DPP10: variants seen among roughly 807,000 people sequenced by gnomAD.
DPP10 encodes the protein inactive dipeptidyl peptidase 10.
A neutral mutation model predicts 120.9 loss-of-function variants in DPP10; 33 were observed. That is an observed-to-expected ratio of 0.27 (90% confidence interval 0.21 to 0.37). The LOEUF is 0.37. Ranked by LOEUF, DPP10 falls within the 10% of genes least tolerant of loss-of-function variation. The pLI is 1.00. For missense variants in DPP10, 816 were observed against 942.8 expected, an observed-to-expected ratio of 0.87 and a Z score of 1.76; for synonymous variants, 337 against 326.1, an observed-to-expected ratio of 1.03 and a Z score of -0.36.
chr2:115,670,310 A>T (rs530662689), intron 5 of DPP10, among the ~76,000 whole-genome samples: 1 of 152,260 alleles, frequency 6.6e-6, no homozygotes, highest in East Asian at 1.9e-4. Flanking sequence ...TGGCCAAAAA[A>T]ACAAAAATGA....
At chr2:115,817,040 A>G (rs2150045128) in intron 21 of DPP10, among the ~76,000 whole-genome samples, 1 of 151,194 alleles carries the variant, frequency 6.6e-6, no homozygotes, top group Admixed American at 6.6e-5. Context: ...TGAGGTCAGG[A>G]GATAGAGGCC....
chr2:114,569,334 C>A (rs1397281695), intron 1 of DPP10, among the ~76,000 whole-genome samples: 1 of 152,206 alleles, frequency 6.6e-6, no homozygotes, highest in African/African-American at 2.4e-5. Flanking sequence ...GCTGCTAAGT[C>A]ATTCCCCGAG....
chr2:114,487,230 A>C (rs1441691698), intron 1 of DPP10, among the ~76,000 whole-genome samples: 1 of 152,180 alleles, frequency 6.6e-6, no homozygotes, highest in African/African-American at 2.4e-5. Flanking sequence ...TTGACAAGGT[A>C]CCAGTGTAGT....
At chr2:115,631,280 A>AT (rs1290770570) in intron 5 of DPP10, among the ~76,000 whole-genome samples, 5 of 151,964 alleles carry the variant, frequency 3.3e-5, no homozygotes, top group African/African-American at 1.2e-4. Context: ...CCCCTTTATC[A>AT]TTTTTTATTG....
rs1490235143 is a variant in DPP10, at chr2:115,753,239, G to A, written c.1016G>A (p.Arg339Gln). The A allele has an allele frequency of 1.9e-6, 3 of 1,611,994 alleles. No individual in the cohort carries two copies. Among genetic ancestry groups the A allele is most frequent in the Admixed American group, 1.7e-5 (1 of 59,952 alleles). The change falls in exon 11 of 26, where the codon CGA becomes CAA. Residue 339 changes from arginine to glutamine, a missense_variant. By Grantham distance (43) the Arg-to-Gln change is conservative (BLOSUM62 1). Around this residue, in one of 3 missense-constraint regions of DPP10, gnomAD observed 592 missense variants for 649.0 expected, o/e 0.91. Coordinates refer to ENST00000410059, the MANE Select transcript of DPP10 (RefSeq NM_020868.6). The stretch of plus-strand genomic sequence containing the variant: ...AAGACTGTGGTAAGATGGTTAAACC[G>A]AGCTCAGAACATCTCCATCCTCACA... ...NTKTVVRWLN[R>Q]AQNISILTVC...
chr2:114,526,113 A>T (rs1047037947), intron 1 of DPP10, among the ~76,000 whole-genome samples: 1 of 152,210 alleles, frequency 6.6e-6, no homozygotes, highest in Non-Finnish European at 1.5e-5. Flanking sequence ...GCAAACCATG[A>T]TAGTAATCTG....
At chr2:115,012,341 C>T (rs190171746) in intron 1 of DPP10, among the ~76,000 whole-genome samples, 1 of 152,124 alleles carries the variant, frequency 6.6e-6, no homozygotes, top group Admixed American at 6.5e-5. Context: ...ATAATGGGCT[C>T]TTGAGAGCAC....
intron 4 of DPP10, among the ~76,000 whole-genome samples, chr2:115,525,634 AATATTAAC>A (rs947018605): frequency 2.0e-5 from 3 of 152,056 alleles, no homozygotes; most frequent in Non-Finnish European, 4.4e-5. Flanking sequence ...AAATAATAAA[AATATTAAC>A]ATATTCTTTA....
chr2:115,629,022 G>T (rs931901211), intron 5 of DPP10, among the ~76,000 whole-genome samples: 1 of 151,984 alleles, frequency 6.6e-6, no homozygotes. Flanking sequence ...GTGACCCAGT[G>T]TTCTCATTGT....
chr2:115,827,309 A>G (rs373677619), intron 21 of DPP10, among the ~76,000 whole-genome samples: 1 of 58,898 alleles, frequency 1.7e-5, no homozygotes, highest in Non-Finnish European at 3.6e-5. Flanking sequence ...ACATATATAT[A>G]CACATGTACA....
intron 5 of DPP10, among the ~76,000 whole-genome samples, chr2:115,615,903 G>A (rs1335966710): frequency 6.6e-6 from 1 of 152,030 alleles, no homozygotes; most frequent in Non-Finnish European, 1.5e-5. Flanking sequence ...ATAGAGGTGA[G>A]GGATATATGG....
chr2:114,715,025 T>C (rs1245414460), intron 1 of DPP10, among the ~76,000 whole-genome samples: 1 of 152,182 alleles, frequency 6.6e-6, no homozygotes, highest in Non-Finnish European at 1.5e-5. Context: ...ATTAATATTA[T>C]GTCACATTTC....
chr2:114,829,709 A>G (rs565416515), intron 1 of DPP10, among the ~76,000 whole-genome samples: 1 of 152,068 alleles, frequency 6.6e-6, no homozygotes, highest in South Asian at 2.1e-4. Flanking sequence ...GACAGAAGTC[A>G]AGTTATGTAT....
chr2:114,977,423 C>T (rs532422014), intron 1 of DPP10, among the ~76,000 whole-genome samples: 17 of 152,178 alleles, frequency 1.1e-4, no homozygotes, highest in African/African-American at 2.9e-4. Flanking sequence ...ATTATTTGAA[C>T]GGTGGATACT....
At chr2:115,113,344 T>C (rs942563235) in intron 1 of DPP10, among the ~76,000 whole-genome samples, 5 of 152,090 alleles carry the variant, frequency 3.3e-5, no homozygotes, top group African/African-American at 1.2e-4. Flanking sequence ...ATGTTCCAAA[T>C]GGTTCTTTTG....
At chr2:114,466,102 A>G (rs1331874634) in intron 1 of DPP10, among the ~76,000 whole-genome samples, 1 of 152,182 alleles carries the variant, frequency 6.6e-6, no homozygotes, top group Non-Finnish European at 1.5e-5. Context: ...ATTCATCTAT[A>G]AATTTATTGC....
intron 1 of DPP10, among the ~76,000 whole-genome samples, chr2:114,572,311 A>G (rs1271387142): frequency 1.3e-5 from 2 of 152,230 alleles, no homozygotes; most frequent in East Asian, 3.8e-4. Flanking sequence ...GATGAGTATG[A>G]AAACAGAATG....
intron 1 of DPP10, among the ~76,000 whole-genome samples, chr2:115,093,887 C>T (rs1709493672): frequency 6.6e-6 from 1 of 152,024 alleles, no homozygotes; most frequent in Non-Finnish European, 1.5e-5. Context: ...CCACTTTAAT[C>T]CCCCTCTTTT....
rs560858540 is a variant in DPP10, at chr2:114,762,742, C to G, written c.60+319904C>G. ...AACATTCTGAGCAGAGCCTTAACCA[C>G]TGCCTGAATAAAATGGTCCCAGGCA... is the stretch of plus-strand genomic sequence containing the variant. On this transcript the variant is annotated intron_variant, in intron 1 of 25. Transcript: ENST00000410059. Among the ~76,000 whole-genome samples, 777 of 152,302 alleles carry G rather than the reference C, an allele frequency of 5.1e-3. 6 individuals carry two copies. The highest frequency in any genetic ancestry group is 0.01 in the Middle Eastern group (3 of 294).
Sources: allele counts gnomAD v4.1 joint callset (sites outside exome capture counted in the v4.1 genomes callset), GRCh38; gene constraint gnomAD v4.1.1; regional missense constraint gnomAD v4.1.1; transcripts MANE v1.5; gene names NCBI Gene and HGNC (gene_info 2026-07-23, HGNC 2026-07-21).